Variants in SPMAP2L observed in about 807,000 individuals in gnomAD.
SPMAP2L encodes sperm microtubule associated protein 2-like.
the SPMAP2L span, among the ~76,000 whole-genome samples, chr4:56,580,549 T>C: frequency 1.3e-5 from 2 of 152,124 alleles, no homozygotes; most frequent in Admixed American, 6.6e-5. Context: ...GCTTTACCCC[T>C]GACATCAGGA....
the SPMAP2L span, among the ~76,000 whole-genome samples, chr4:56,550,711 G>A: frequency 6.6e-6 from 1 of 152,136 alleles, no homozygotes; most frequent in Non-Finnish European, 1.5e-5. Flanking sequence ...ACTGCTTCTT[G>A]TTTCTCTTTG....
chr4:56,580,314 A>G, the SPMAP2L span, among the ~76,000 whole-genome samples: 4,621 of 152,274 alleles, frequency 0.03, 208 homozygotes, highest in African/African-American at 0.094. Flanking sequence ...GAATATGTTG[A>G]GTGCAAAATA....
At chr4:56,604,961 C>T in the SPMAP2L span, among the ~76,000 whole-genome samples, 97 of 152,198 alleles carry the variant, frequency 6.4e-4, no homozygotes, top group African/African-American at 2.1e-3. Flanking sequence ...TGTGAGGATG[C>T]AAAGGCGTAA....
chr4:56,578,632 CTG>C, the SPMAP2L span, among the ~76,000 whole-genome samples: 2 of 151,930 alleles, frequency 1.3e-5, no homozygotes, highest in South Asian at 4.1e-4. Flanking sequence ...AACAAATAGA[CTG>C]AAAGTAAAAA....
chr4:56,535,184 A>G, the SPMAP2L span, among the ~76,000 whole-genome samples: 1 of 152,220 alleles, frequency 6.6e-6, no homozygotes, highest in South Asian at 2.1e-4. Context: ...CTTAACATTT[A>G]AAATGTCATC....
chr4:56,596,535 G>A, the SPMAP2L span: 93 of 1,532,372 alleles, frequency 6.1e-5, no homozygotes, highest in South Asian at 5.0e-4. Context: ...CCCTGAGTGC[G>A]ATTGCAACTC....
chr4:56,598,546 G>C, the SPMAP2L span, among the ~76,000 whole-genome samples: 1 of 152,066 alleles, frequency 6.6e-6, no homozygotes, highest in Non-Finnish European at 1.5e-5. Context: ...TGATGTATGA[G>C]TCTAGAGACT....
the SPMAP2L span, chr4:56,559,247 G>C: frequency 1.6e-6 from 1 of 644,176 alleles, no homozygotes; most frequent in Non-Finnish European, 2.1e-6. Context: ...GTTGCAGTGA[G>C]CCGAGATCGA....
chr4:56,620,642 C>T, the SPMAP2L span, among the ~76,000 whole-genome samples: 1 of 152,242 alleles, frequency 6.6e-6, no homozygotes, highest in Non-Finnish European at 1.5e-5. Context: ...GCCTCGGCCT[C>T]CCAAAGTGCT....
At chr4:56,589,337 C>T in the SPMAP2L span, among the ~76,000 whole-genome samples, 1 of 152,256 alleles carries the variant, frequency 6.6e-6, no homozygotes, top group African/African-American at 2.4e-5. Context: ...TGACTACGGC[C>T]TTATAGTATA....
the SPMAP2L span, among the ~76,000 whole-genome samples, chr4:56,555,088 C>A: frequency 1.3e-5 from 2 of 151,852 alleles, no homozygotes; most frequent in African/African-American, 4.8e-5. Flanking sequence ...TACAGGCAGG[C>A]ACCACCACGC....
At chr4:56,593,827 T>C in the SPMAP2L span, 2 of 1,610,342 alleles carry the variant, frequency 1.2e-6, no homozygotes, top group Non-Finnish European at 8.5e-7. Flanking sequence ...TCTTGGCGAA[T>C]ATGGCAGCCA....
At chr4:56,551,295 C>T in the SPMAP2L span, among the ~76,000 whole-genome samples, 1 of 152,148 alleles carries the variant, frequency 6.6e-6, no homozygotes, top group Non-Finnish European at 1.5e-5. Flanking sequence ...ATTAGACTTT[C>T]TGTGGGGTAG....
the SPMAP2L span, among the ~76,000 whole-genome samples, chr4:56,619,512 A>AT: frequency 6.6e-6 from 1 of 152,172 alleles, no homozygotes; most frequent in African/African-American, 2.4e-5. Flanking sequence ...TGACTGGCTT[A>AT]TTTCACTCAG....
chr4:56,596,111 A>G, the SPMAP2L span, among the ~76,000 whole-genome samples: 1 of 152,242 alleles, frequency 6.6e-6, no homozygotes, highest in Admixed American at 6.5e-5. Flanking sequence ...GGGAAATCCC[A>G]GGACAAATGT....
At chr4:56,619,090 A>C in the SPMAP2L span, among the ~76,000 whole-genome samples, 1 of 152,184 alleles carries the variant, frequency 6.6e-6, no homozygotes, top group African/African-American at 2.4e-5. Flanking sequence ...GCCTATGATA[A>C]AGTTTAATTT....
At chr4:56,619,815 T>G in the SPMAP2L span, among the ~76,000 whole-genome samples, 1 of 152,170 alleles carries the variant, frequency 6.6e-6, no homozygotes, top group African/African-American at 2.4e-5. Flanking sequence ...TTGCAAACTA[T>G]TTGATAAGGG....
the SPMAP2L span, among the ~76,000 whole-genome samples, chr4:56,588,892 A>T: frequency 1.3e-5 from 2 of 151,968 alleles, no homozygotes; most frequent in African/African-American, 2.4e-5. Context: ...TCCTTTCTCC[A>T]CTTTATGCTT....
At chr4:56,585,580 G>A in the SPMAP2L span, among the ~76,000 whole-genome samples, 21 of 152,138 alleles carry the variant, frequency 1.4e-4, no homozygotes, top group East Asian at 9.7e-4. Flanking sequence ...GGGCTCAAGC[G>A]ATCCTCCCAC....
Sources: allele counts gnomAD v4.1 joint callset (sites outside exome capture counted in the v4.1 genomes callset), GRCh38; gene constraint gnomAD v4.1.1; transcripts MANE v1.5; gene names NCBI Gene and HGNC (gene_info 2026-07-23, HGNC 2026-07-21).